The following ITIH4 variants were observed in gnomAD, a reference collection of about 807,000 sequenced individuals.
ITIH4 encodes inter-alpha-trypsin inhibitor heavy chain 4.
Under a neutral mutation model 111.8 loss-of-function variants are expected in ITIH4, and 79 were observed. That is an observed-to-expected ratio of 0.71 (90% CI 0.59 to 0.85). The LOEUF (loss-of-function observed/expected upper bound fraction) is 0.85, where lower values mean the gene tolerates loss of function less well. Ranked by LOEUF, ITIH4 falls within the 40% of genes least tolerant of loss-of-function variation. ITIH4 has a pLI of 0.00. For missense variants in ITIH4, 1,065 were observed against 1,195.8 expected, an observed-to-expected ratio of 0.89 and a Z score of 1.61; for synonymous variants, 472 against 468.3, an observed-to-expected ratio of 1.01 and a Z score of -0.10.
chr3:52,827,780 CT>C (rs1369239131), intron 2 of ITIH4, among the ~76,000 whole-genome samples: 1 of 152,260 alleles, frequency 6.6e-6, no homozygotes, highest in African/African-American at 2.4e-5. Flanking sequence ...TTTTGGACAA[CT>C]GGTGGACGGG....
rs760823383 is a variant in ITIH4 at position 52,819,777 on chromosome 3, G to T, written c.1928C>A (p.Pro643Gln). ...KIPKPEASFS[P>Q]RRGWNRQAGA... ...ACCTTGTCTATTCCATCCTCTTCTTGGAGAAAAGGAAGCCTCTGTGTGGTC... is the reference window on the plus strand; with the variant it reads ...ACCTTGTCTATTCCATCCTCTTCTTTGAGAAAAGGAAGCCTCTGTGTGGTC... Residue 643 changes from proline (P) to glutamine (Q), a missense_variant, in exon 16 of 24, where the codon CCA (proline) becomes CAA (glutamine). Transcript: ENST00000266041. 6.2e-7 allele frequency: 1 copy of T among 1,614,038 alleles called. No individual in the cohort carries two copies.
At position 52,825,998 on chromosome 3, in the gene ITIH4, T is replaced by C. The variant is rs1231533017; in HGVS notation, c.647A>G (p.Lys216Arg). 6 of 1,614,032 alleles carry C rather than the reference T, an allele frequency of 3.7e-6. No individual in the cohort carries two copies. The Admixed American group carries it at 6.7e-5, about 18-fold the overall frequency. The change falls in exon 6 of 24, where the codon AAG becomes AGG. Residue 216 changes from lysine to arginine, a missense_variant. Physicochemically the swap from Lys to Arg is conservative, Grantham distance 26. Transcript: ENST00000266041. ...CTTTTGCTGCTGGGAAAGTGTTGGC[T>C]TGAACCGGATGTGAGCCTGGAGGAA... ...QNKTKAHIRF[K>R]PTLSQQQKSP... is the part of the protein sequence containing the mutation.
In ITIH4 at chr3:52,824,261, T is replaced by C. The variant is rs1700445377; in HGVS notation, c.1100A>G (p.Asn367Ser). The change falls in exon 9 of 24, where the codon AAC (asparagine) becomes AGC (serine). Residue 367 changes from asparagine to serine, a missense_variant. Asn to Ser is a conservative substitution (Grantham distance 46). Transcript: ENST00000266041. The surrounding 1 kb of genome is among the most constrained non-coding windows in gnomAD (Gnocchi z 4.3). ...CCCTTCGGGCAGCCGCTCCTCCTGG[T>C]TGCTGCTGTCCAGCAACTGCACAGC... ...LMAVQLLDSS[N>S]QEERLPEGSV... is the part of the protein sequence containing the mutation. The C allele has an allele frequency of 1.2e-6, 2 of 1,613,540 alleles. No individual in the cohort carries two copies. Among genetic ancestry groups the C allele is most frequent in the Non-Finnish European group, 1.7e-6 (2 of 1,180,014 alleles).
chr3:52,820,257 C>G, intron 14 of ITIH4, 34 bp downstream of exon 14: 1 of 1,613,900 alleles, frequency 6.2e-7, no homozygotes, highest in Non-Finnish European at 8.5e-7. Flanking sequence ...CAGACCACCA[C>G]CCAGCACAGC....
intron 11 of ITIH4, among the ~76,000 whole-genome samples, chr3:52,822,664 T>TCCC (rs1700406271): frequency 6.6e-6 from 1 of 152,174 alleles, no homozygotes; most frequent in Admixed American, 6.5e-5. Context: ...GTGGCAGAGC[T>TCCC]GGGTTTGAAG....
chr3:52,819,889 G>T (rs1430725579), intron 15 of ITIH4, 51 bp downstream of exon 15: 3 of 1,606,936 alleles, frequency 1.9e-6, no homozygotes, highest in Non-Finnish European at 2.6e-6. Flanking sequence ...CCACAGCCAG[G>T]ACTGAGCCCA....
At chr3:52,823,013 G>C (rs1249347021) in intron 11 of ITIH4, among the ~76,000 whole-genome samples, 2 of 152,202 alleles carry the variant, frequency 1.3e-5, no homozygotes, top group African/African-American at 4.8e-5. Context: ...TGAGGGCACG[G>C]AGGGGTCAGC....
intron 21 of ITIH4, among the ~76,000 whole-genome samples, chr3:52,816,059 T>G (rs1005081321): frequency 6.6e-6 from 1 of 152,192 alleles, no homozygotes; most frequent in African/African-American, 2.4e-5. Context: ...ATCTGTCAAG[T>G]GCAAGGGAGT....
rs746526909 is a variant in ITIH4, at chr3:52,818,113, C to A, written c.2235G>T (p.Arg745=). The change falls in exon 20 of 24, where the codon CGG becomes CGT. Residue 745 remains arginine, a synonymous_variant. Transcript: ENST00000266041. ...GGCGGTGTCTGGGGTCCACACAGAG[C>A]CGCTCCACACTCTGCCCAGGCAGTG... ...ILPLPGQSVE[R]LCVDPRHRQG... 2 of 1,613,848 alleles carry A rather than the reference C, an allele frequency of 1.2e-6. No homozygotes were observed. Among genetic ancestry groups the A allele is most frequent in the Non-Finnish European group, 1.7e-6 (2 of 1,179,968 alleles).
At chr3:52,817,143 C>T (rs866883077) in intron 20 of ITIH4, 85 bp from the exon 21 acceptor site, 6 of 1,176,022 alleles carry the variant, frequency 5.1e-6, no homozygotes, top group Middle Eastern at 4.5e-4. Flanking sequence ...CCTGATCACA[C>T]CCCCTGGAGT....
intron 6 of ITIH4, 94 bp downstream of exon 6, chr3:52,825,792 G>C (rs1435852011): frequency 7.1e-7 from 1 of 1,399,568 alleles, no homozygotes; most frequent in Non-Finnish European, 9.7e-7. Context: ...GCTAAGTAAG[G>C]GTGGTTCTTT....
intron 15 of ITIH4, 74 bp from the exon 16 acceptor site, chr3:52,819,866 A>G: frequency 6.2e-7 from 1 of 1,604,956 alleles, no homozygotes. Flanking sequence ...GGAGCTGGGC[A>G]AGGCACTACC....
chr3:52,821,275 A>T, intron 11 of ITIH4, 145 bp from the exon 12 acceptor site: 10 of 865,508 alleles, frequency 1.2e-5, no homozygotes, highest in South Asian at 3.3e-5. Flanking sequence ...AGTGGGGGTA[A>T]GGAGGGGGCT....
chr3:52,826,663 A>C lies in ITIH4; in HGVS notation c.520-12T>G. 6.2e-7 allele frequency: 1 copy of C among 1,613,272 alleles called. No homozygotes were observed. The highest frequency in any genetic ancestry group is 8.5e-7 in the Non-Finnish European group (1 of 1,179,328). ...ATGTGAATGTCCATCTGGAGGCAAGATGTGGGTCCCTGGGTCAGCCAGGAG... is the reference window on the plus strand; with the variant it reads ...ATGTGAATGTCCATCTGGAGGCAAGCTGTGGGTCCCTGGGTCAGCCAGGAG... On this transcript the variant is annotated splice_polypyrimidine_tract_variant and intron_variant, in intron 4 of 23. Transcript: ENST00000266041.
chr3:52,818,100 G>A lies in ITIH4; in HGVS notation c.2248C>T (p.Pro750Ser). 6.2e-7 allele frequency: 1 copy of A among 1,613,822 alleles called. No homozygotes were observed. The highest frequency in any genetic ancestry group is 8.5e-7 in the Non-Finnish European group (1 of 1,180,012). The change falls in exon 20 of 24, where the codon CCC becomes TCC. Residue 750 changes from proline to serine, a missense_variant. Physicochemically the swap from Pro to Ser is moderately conservative, Grantham distance 74. Transcript: ENST00000266041. ...GQSVERLCVDPRHRQGPVNLL... is the reference protein window; with the variant it reads ...GQSVERLCVDSRHRQGPVNLL... Reference sequence around the variant, plus strand: ...TTCACTGGCCCCTGGCGGTGTCTGGGGTCCACACAGAGCCGCTCCACACTC... The same window carrying A: ...TTCACTGGCCCCTGGCGGTGTCTGGAGTCCACACAGAGCCGCTCCACACTC...
chr3:52,825,901 G>A lies in ITIH4; in HGVS notation c.744C>T (p.Ser248=), dbSNP rs532310437. The A allele has an allele frequency of 5.6e-5, 90 of 1,613,788 alleles. No individual in the cohort carries two copies. The highest frequency in any genetic ancestry group is 3.4e-5 in the Non-Finnish European group (40 of 1,179,906). Residue 248 remains serine (S), a synonymous_variant, in exon 6 of 24, where the codon TCC becomes TCT. Coordinates refer to ENST00000266041, the MANE Select transcript of ITIH4 (RefSeq NM_002218.5). ...GTCCACCCACCTGAATGGAGCCCCC[G>A]GAGATGGCCCGGTCCACATCATAGC... is the stretch of plus-strand genomic sequence containing the variant. ...IIRYDVDRAI[S]GGSIQIENGY... is the part of the protein sequence containing the mutation.
At position 52,815,361 on chromosome 3, in the gene ITIH4, A is replaced by G. The variant is rs562021569; in HGVS notation, c.2472-998T>C. Among the ~76,000 whole-genome samples, 34 of 150,230 alleles carry G rather than the reference A, an allele frequency of 2.3e-4. No individual in the cohort carries two copies. In the East Asian group the frequency reaches 6.4e-3, roughly 28 times the overall value. On this transcript the variant is annotated intron_variant, in intron 21 of 23. Transcript: ENST00000266041. ...TGGGTTCAAGCGGTTCTCCTACCTCAGCCTCCCGAGTAGCTGGGATTACAG... is the reference window on the plus strand; with the variant it reads ...TGGGTTCAAGCGGTTCTCCTACCTCGGCCTCCCGAGTAGCTGGGATTACAG...
rs756271349 is a variant in ITIH4 at position 52,823,572 on chromosome 3, G to A, written c.1523C>T (p.Thr508Ile). The change falls in exon 11 of 24, where the codon ACA becomes ATA. Residue 508 changes from threonine (T) to isoleucine (I), a missense_variant. Physicochemically the swap from Thr to Ile is moderately conservative, Grantham distance 89 (BLOSUM62 -1). Transcript: ENST00000266041. ...QDRGPDVLTA[T>I]VSGKLPTQNI... ...CACACTCACCAGCTTCCCACTGACT[G>A]TGGCTGTGAGCACATCAGGCCCCCG... 6 of 1,609,776 alleles carry A rather than the reference G, an allele frequency of 3.7e-6. No individual in the cohort carries two copies. In the Admixed American group the frequency reaches 1.0e-4, roughly 27 times the overall value.
intron 2 of ITIH4, 127 bp from the exon 3 acceptor site, chr3:52,827,324 GC>G: frequency 1.3e-6 from 1 of 760,714 alleles, no homozygotes; most frequent in Non-Finnish European, 2.3e-6. Context: ...CTTTGCCTGA[GC>G]CCAGTGCCAT....
Sources: gnomAD v4.1 joint callset for allele counts (sites outside exome capture counted in the v4.1 genomes callset) on GRCh38, gnomAD v4.1.1 for gene constraint, Gnocchi (gnomAD v3.1) non-coding constraint, MANE v1.5 for transcripts, NCBI Gene and HGNC (gene_info 2026-07-23, HGNC 2026-07-21) for gene names.